NEDD9: variants seen among roughly 807,000 people sequenced by gnomAD.
The protein encoded by NEDD9 is enhancer of filamentation 1.
In NEDD9, 26 loss-of-function variants were observed where a neutral mutation model predicts 76.6. The ratio of observed to expected loss-of-function variants is 0.34; its 90% CI spans 0.25 to 0.47. NEDD9 has a LOEUF of 0.47. Among genes scored for constraint, NEDD9 ranks in the 20% least tolerant of loss-of-function variants. The pLI is 1.00. For synonymous variants in NEDD9, 392 were observed against 414.2 expected (o/e 0.95, Z 0.65); for missense variants, 937 against 1,058.5 (o/e 0.89, Z 1.59).
upstream of NEDD9, among the ~76,000 whole-genome samples, chr6:11,235,425 C>T (rs1416154436): frequency 6.6e-6 from 1 of 152,118 alleles, no homozygotes; most frequent in Non-Finnish European, 1.5e-5. This position sits in a 1 kb window ranked among gnomAD's most constrained non-coding sequence, Gnocchi z 4.1. Context: ...GTGCCAGGTA[C>T]CTTTCTAGGA....
intron 1 of NEDD9, among the ~76,000 whole-genome samples, chr6:11,348,692 T>C (rs1297674546): frequency 1.3e-5 from 2 of 152,146 alleles, no homozygotes; most frequent in Non-Finnish European, 2.9e-5. Flanking sequence ...TCCTGTTCAA[T>C]AATGGTGCTG....
chr6:11,220,323 C>T (rs1187206796), intron 1 of NEDD9, among the ~76,000 whole-genome samples: 6 of 152,132 alleles, frequency 3.9e-5, no homozygotes, highest in Non-Finnish European at 5.9e-5. Flanking sequence ...ACCCCCCCGC[C>T]GAATCTTGAC....
At chr6:11,318,639 T>A (rs1341218117) in intron 2 of NEDD9, among the ~76,000 whole-genome samples, 1 of 152,146 alleles carries the variant, frequency 6.6e-6, no homozygotes, top group Non-Finnish European at 1.5e-5. Context: ...CTCAATAAGA[T>A]TACTCAGAGA....
At chr6:11,300,184 A>T (rs1761010373) in intron 3 of NEDD9, among the ~76,000 whole-genome samples, 1 of 152,244 alleles carries the variant, frequency 6.6e-6, no homozygotes, top group Admixed American at 6.5e-5. Context: ...GATGGAGCTG[A>T]AAACCACGGC....
intron 2 of NEDD9, among the ~76,000 whole-genome samples, chr6:11,313,402 T>A (rs933277124): frequency 1.7e-4 from 26 of 149,874 alleles, no homozygotes; most frequent in African/African-American, 6.4e-4. Context: ...AAGGGGTGGA[T>A]GGATGGATAG....
chr6:11,379,846 C>T (rs1763030404), intron 1 of NEDD9, among the ~76,000 whole-genome samples: 1 of 152,160 alleles, frequency 6.6e-6, no homozygotes, highest in African/African-American at 2.4e-5. Context: ...GCTTTAAGAT[C>T]AGGTTCAATG....
chr6:11,264,855 CTGTT>C (rs748613420), intron 3 of NEDD9, among the ~76,000 whole-genome samples: 1 of 143,644 alleles, frequency 7.0e-6, no homozygotes, highest in South Asian at 2.2e-4. Flanking sequence ...TTAAGTTTTT[CTGTT>C]TGTTTGTTTG....
intron 2 of NEDD9, among the ~76,000 whole-genome samples, chr6:11,322,681 A>G (rs1376983715): frequency 6.6e-6 from 1 of 152,164 alleles, no homozygotes; most frequent in Non-Finnish European, 1.5e-5. Context: ...AATGGAGTTC[A>G]GTGTTACTCA....
intron 3 of NEDD9, among the ~76,000 whole-genome samples, chr6:11,261,912 C>T (rs1760123776): frequency 6.6e-6 from 1 of 152,156 alleles, no homozygotes; most frequent in Non-Finnish European, 1.5e-5. Flanking sequence ...TCTCGTCTTA[C>T]CCTGAGGATG....
intron 1 of NEDD9, among the ~76,000 whole-genome samples, chr6:11,217,141 G>C (rs941405069): frequency 6.6e-6 from 1 of 152,238 alleles, no homozygotes; most frequent in Non-Finnish European, 1.5e-5. Context: ...AAAAGATTTG[G>C]TGTTGGTGCA....
At chr6:11,366,460 G>C (rs754392141) in intron 1 of NEDD9, among the ~76,000 whole-genome samples, 3 of 151,922 alleles carry the variant, frequency 2.0e-5, no homozygotes, top group Non-Finnish European at 4.4e-5. Context: ...AAGAAAGAGA[G>C]AAAGGAAAAG....
At chr6:11,339,737 T>C (rs1033717741) in intron 1 of NEDD9, among the ~76,000 whole-genome samples, 3 of 152,240 alleles carry the variant, frequency 2.0e-5, no homozygotes, top group African/African-American at 7.2e-5. Context: ...ACTTTCTCAA[T>C]TCTGCTGCAC....
At chr6:11,303,816 A>T (rs990686627) in intron 3 of NEDD9, among the ~76,000 whole-genome samples, 1 of 152,174 alleles carries the variant, frequency 6.6e-6, no homozygotes, top group Admixed American at 6.6e-5. Context: ...AACTAGAAGC[A>T]TTAAATACTT....
intron 1 of NEDD9, among the ~76,000 whole-genome samples, chr6:11,351,316 C>A (rs774529876): frequency 1.3e-5 from 2 of 152,122 alleles, no homozygotes; most frequent in Admixed American, 6.6e-5. Flanking sequence ...AGGCCTGGAG[C>A]AGAGGGAGCT....
At chr6:11,206,111 T>C (rs1389685292) in intron 2 of NEDD9, among the ~76,000 whole-genome samples, 1 of 152,202 alleles carries the variant, frequency 6.6e-6, no homozygotes, top group South Asian at 2.1e-4. Flanking sequence ...GTCAAGCAAG[T>C]CTTTTTTTAA....
chr6:11,251,940 G>GT (rs757329727), intron 3 of NEDD9, among the ~76,000 whole-genome samples: 25 of 152,246 alleles, frequency 1.6e-4, no homozygotes, highest in Middle Eastern at 6.8e-3. Flanking sequence ...GTATGTGTGT[G>GT]TGGGGGGGGA....
At chr6:11,354,235 G>A (rs1243337753) in intron 1 of NEDD9, among the ~76,000 whole-genome samples, 1 of 152,218 alleles carries the variant, frequency 6.6e-6, no homozygotes, top group Non-Finnish European at 1.5e-5. Context: ...AGGACGCATT[G>A]AAGAAAGTAC....
chr6:11,237,849 C>T lies in NEDD9; in HGVS notation c.13-24122G>A, dbSNP rs1759636686. Among the ~76,000 whole-genome samples the T allele has an allele frequency of 6.6e-6, 1 of 152,198 alleles. No individual in the cohort carries two copies. The highest frequency in any genetic ancestry group is 2.4e-5 in the African/African-American group (1 of 41,454). ...GAATAAAGTATAGATCTTTCCACAT[C>T]TACAGGGGAACAATCTGGAAGCTGA... is the stretch of plus-strand genomic sequence containing the variant. On this transcript the variant is annotated intron_variant, in intron 3 of 3. Transcript: ENST00000397378. This position sits in a 1 kb window ranked among gnomAD's most constrained non-coding sequence, Gnocchi z 4.9.
chr6:11,298,450 G>T (rs922247215), intron 3 of NEDD9, among the ~76,000 whole-genome samples: 2 of 152,106 alleles, frequency 1.3e-5, no homozygotes, highest in Admixed American at 1.3e-4. Flanking sequence ...GAAATTATAT[G>T]GTTTTTAGGT....
Sources: allele counts gnomAD v4.1 joint callset (sites outside exome capture counted in the v4.1 genomes callset), GRCh38; gene constraint gnomAD v4.1.1; non-coding constraint Gnocchi (gnomAD v3.1); transcripts MANE v1.5; gene names NCBI Gene and HGNC (gene_info 2026-07-23, HGNC 2026-07-21).